CFAP20DC: variants seen among roughly 807,000 people sequenced by gnomAD.
CFAP20DC encodes CFAP20 domain containing.
Under a neutral mutation model 101.7 loss-of-function variants are expected in CFAP20DC, and 84 were observed. That is an observed-to-expected ratio of 0.83 (90% CI 0.69 to 0.99). The LOEUF (loss-of-function observed/expected upper bound fraction) is 0.99, where lower values mean the gene tolerates loss of function less well. Among genes scored for constraint, CFAP20DC ranks in the 50% least tolerant of loss-of-function variants. CFAP20DC has a pLI of 0.00. For missense variants in CFAP20DC, 1,007 were observed against 970.3 expected (o/e 1.04, Z -0.50); for synonymous variants, 359 against 351.2 (o/e 1.02, Z -0.25).
At chr3:58,917,374 T>A (rs2084849082) in intron 5 of CFAP20DC, among the ~76,000 whole-genome samples, 1 of 152,194 alleles carries the variant, frequency 6.6e-6, no homozygotes, top group Non-Finnish European at 1.5e-5. Context: ...TCCTATTCTC[T>A]GCCATTACTA....
In CFAP20DC at chr3:58,814,575, T is replaced by A. The variant is rs984525382; in HGVS notation, c.2176-8119A>T. On this transcript the variant is annotated intron_variant, in intron 14 of 16. Coordinates refer to ENST00000482387, the MANE Select transcript of CFAP20DC (RefSeq NM_001394063.1). ...AAAGAGGAAGTCAAATTGTCTCTGTTTGCAGATGACATGATTGTATATCTA... is the reference window on the plus strand; with the variant it reads ...AAAGAGGAAGTCAAATTGTCTCTGTATGCAGATGACATGATTGTATATCTA... 5.7e-4 allele frequency among the ~76,000 whole-genome samples: 86 copies of A among 151,482 alleles called. 2 individuals carry two copies. The highest frequency in any genetic ancestry group is 2.1e-3 in the African/African-American group (86 of 40,894).
At chr3:58,800,792 G>A (rs1446543548) in intron 15 of CFAP20DC, among the ~76,000 whole-genome samples, 3 of 151,904 alleles carry the variant, frequency 2.0e-5, no homozygotes, top group Non-Finnish European at 4.4e-5. Context: ...AATTTTATCT[G>A]GTTATGAATG....
At chr3:58,865,721 A>G (rs1248969587) in intron 11 of CFAP20DC, among the ~76,000 whole-genome samples, 1 of 152,222 alleles carries the variant, frequency 6.6e-6, no homozygotes, top group Non-Finnish European at 1.5e-5. Flanking sequence ...ATGTATATGG[A>G]TATGTGAAGA....
chr3:59,039,450 T>C (rs2094159024), intron 4 of CFAP20DC, 107 bp downstream of exon 4: 1 of 650,320 alleles, frequency 1.5e-6, no homozygotes, highest in Non-Finnish European at 2.6e-6. Context: ...AAGTCACTGC[T>C]CTTTAATGCA....
intron 15 of CFAP20DC, among the ~76,000 whole-genome samples, chr3:58,798,595 G>A (rs1253363521): frequency 6.6e-6 from 1 of 152,188 alleles, no homozygotes; most frequent in Non-Finnish European, 1.5e-5. Flanking sequence ...CAGCAGCATG[G>A]TTGGGCAAGA....
At chr3:58,937,815 C>A (rs2087922908) in intron 4 of CFAP20DC, 53 bp from the exon 5 acceptor site, 1 of 953,602 alleles carries the variant, frequency 1.0e-6, no homozygotes. Context: ...TTAATAACCA[C>A]TTCTTTGGAT....
At chr3:59,013,214 A>G (rs148567967) in intron 4 of CFAP20DC, among the ~76,000 whole-genome samples, 100 of 152,296 alleles carry the variant, frequency 6.6e-4, no homozygotes, top group African/African-American at 2.2e-3. Context: ...AGGTGAGTCT[A>G]TTTAGCTGGG....
At chr3:58,935,066 T>A (rs2087335024) in intron 5 of CFAP20DC, among the ~76,000 whole-genome samples, 1 of 152,184 alleles carries the variant, frequency 6.6e-6, no homozygotes, top group Non-Finnish European at 1.5e-5. Flanking sequence ...ATAAGCAACT[T>A]CAGCAAAGTC....
At chr3:58,857,578 T>C (rs187824252) in intron 12 of CFAP20DC, among the ~76,000 whole-genome samples, 1 of 152,242 alleles carries the variant, frequency 6.6e-6, no homozygotes, top group East Asian at 1.9e-4. Context: ...TTTAAATATA[T>C]GGAAAGAATA....
rs1418850996 is a variant in CFAP20DC at position 58,869,410 on chromosome 3, C to T, written c.933G>A (p.Met311Ile). 2.4e-5 allele frequency: 38 copies of T among 1,613,668 alleles called. No homozygotes were observed. The highest frequency in any genetic ancestry group is 3.1e-5 in the Non-Finnish European group (37 of 1,179,750). Residue 311 changes from methionine (M) to isoleucine (I), a missense_variant, in exon 9 of 17, where the codon ATG becomes ATA. Transcript: ENST00000482387. The surrounding 1 kb of genome is among the most constrained non-coding windows in gnomAD (Gnocchi z 4.3). ...CAGACTCAGGTATCAGCAAGGCTGACATTTCTGTACCATTAACACACTTCT... is the reference window on the plus strand; with the variant it reads ...CAGACTCAGGTATCAGCAAGGCTGATATTTCTGTACCATTAACACACTTCT... ...TVEKCVNGTEMSALLIPESEE... is the reference protein window; with the variant it reads ...TVEKCVNGTEISALLIPESEE...
At chr3:58,957,826 G>A (rs748788011) in intron 4 of CFAP20DC, among the ~76,000 whole-genome samples, 34 of 152,188 alleles carry the variant, frequency 2.2e-4, no homozygotes, top group Non-Finnish European at 4.4e-4. Context: ...AGACAGAGTA[G>A]AAGGATAGTT....
At chr3:58,947,852 A>C (rs1479156223) in intron 4 of CFAP20DC, among the ~76,000 whole-genome samples, 1 of 152,216 alleles carries the variant, frequency 6.6e-6, no homozygotes, top group Non-Finnish European at 1.5e-5. Flanking sequence ...TGACAGCACT[A>C]CAAGTCACAG....
chr3:58,943,791 T>C (rs2088964093), intron 4 of CFAP20DC, among the ~76,000 whole-genome samples: 1 of 152,128 alleles, frequency 6.6e-6, no homozygotes, highest in South Asian at 2.1e-4. Flanking sequence ...TAAAGGAGCA[T>C]GTTTTAACCC....
intron 15 of CFAP20DC, among the ~76,000 whole-genome samples, chr3:58,768,849 C>A (rs1041071559): frequency 6.6e-6 from 1 of 152,206 alleles, no homozygotes; most frequent in African/African-American, 2.4e-5. Context: ...GCTTTCAGCT[C>A]AAATGTTACT....
chr3:58,994,774 T>C (rs1251623869), intron 4 of CFAP20DC, among the ~76,000 whole-genome samples: 2 of 151,550 alleles, frequency 1.3e-5, no homozygotes, highest in Admixed American at 6.6e-5. Context: ...GAAAGGATGG[T>C]TGGAAATAAA....
intron 12 of CFAP20DC, among the ~76,000 whole-genome samples, chr3:58,851,197 G>A (rs1238917249): frequency 6.6e-6 from 1 of 152,094 alleles, no homozygotes; most frequent in Admixed American, 6.6e-5. Context: ...GTGAAGTAGG[G>A]GAATGTCACA....
At position 58,869,779 on chromosome 3, in the gene CFAP20DC, G is replaced by A. The variant is rs2079989021; in HGVS notation, c.853-289C>T. On this transcript the variant is annotated intron_variant, in intron 8 of 16. Transcript: ENST00000482387. This position sits in a 1 kb window ranked among gnomAD's most constrained non-coding sequence, Gnocchi z 4.3. ...GTAGAAGCCGAATTAAAAATCACGC[G>A]TATGTCAGAAATTCGGAGGAAATTA... 6.6e-6 allele frequency among the ~76,000 whole-genome samples: 1 copy of A among 152,084 alleles called. No individual in the cohort carries two copies. The highest frequency in any genetic ancestry group is 6.5e-5 in the Admixed American group (1 of 15,274).
chr3:58,975,798 C>T (rs888171705), intron 4 of CFAP20DC, among the ~76,000 whole-genome samples: 1 of 151,360 alleles, frequency 6.6e-6, no homozygotes, highest in Non-Finnish European at 1.5e-5. Context: ...CATCTTTTTT[C>T]CTTTTTTTTT....
intron 15 of CFAP20DC, among the ~76,000 whole-genome samples, chr3:58,771,981 C>T (rs552127364): frequency 5.9e-4 from 90 of 152,256 alleles, no homozygotes; most frequent in Non-Finnish European, 1.1e-3. Context: ...GTAAAATTTG[C>T]GTGCTTTTCT....
Sources: allele counts gnomAD v4.1 joint callset (sites outside exome capture counted in the v4.1 genomes callset), GRCh38; gene constraint gnomAD v4.1.1; non-coding constraint Gnocchi (gnomAD v3.1); transcripts MANE v1.5; gene names NCBI Gene and HGNC (gene_info 2026-07-23, HGNC 2026-07-21).